Variants in XRRA1 observed in about 807,000 individuals in gnomAD.
XRRA1 encodes the protein X-ray radiation resistance associated 1.
In XRRA1, 69 loss-of-function variants were observed where a neutral mutation model predicts 80.2. The observed-to-expected ratio is 0.86, with a 90% CI of 0.71 to 1.05. XRRA1 has a LOEUF of 1.05. Ranked by LOEUF, XRRA1 falls within the 50% of genes least tolerant of loss-of-function variation. XRRA1 has a pLI of 0.00. For missense variants in XRRA1, 967 were observed against 976.4 expected (o/e 0.99, Z 0.13); for synonymous variants, 348 against 389.9 (o/e 0.89, Z 1.27).
chr11:74,862,982 T>A lies in XRRA1; in HGVS notation c.1043A>T (p.Glu348Val). 1 of 1,601,870 alleles carries A rather than the reference T, an allele frequency of 6.2e-7. No individual in the cohort carries two copies. The highest frequency in any genetic ancestry group is 8.5e-7 in the Non-Finnish European group (1 of 1,173,750). Residue 348 changes from glutamate (E) to valine (V), a missense_variant and splice_region_variant, in exon 11 of 19, where the codon GAG becomes GTG. Glu to Val is a moderately radical substitution (Grantham distance 121, BLOSUM62 -2). Coordinates refer to ENST00000684022, the MANE Select transcript of XRRA1 (RefSeq NM_001378157.1). ...FSSYPGFSTS[E>V]TTKICSLPPI... The stretch of plus-strand genomic sequence containing the variant: ...AAATATAAAGTAGTCAGTTCCTACC[T>A]CTGAGGTTGAAAATCCAGGGTAAGA...
chr11:74,846,918 GATT>G (rs1298912539), intron 15 of XRRA1, among the ~76,000 whole-genome samples: 1 of 150,316 alleles, frequency 6.7e-6, no homozygotes, highest in Non-Finnish European at 1.5e-5. Flanking sequence ...GAAAAAAAAA[GATT>G]TTTTTTTTTT....
Position 74,843,270 on chromosome 11 carries a change from T to C in XRRA1, c.2333A>G (p.Lys778Arg), listed in dbSNP as rs763721154. ...CATGAACTCGAGGAAGTGGCCGAAC[T>C]TGGGCTGGCTCTCACTCAGCGCTGG... is the stretch of plus-strand genomic sequence containing the variant. ...ACPALSESQP[K>R]FGHFLEFMDE... The change falls in exon 19 of 19, where the codon AAG (lysine) becomes AGG (arginine). Residue 778 changes from lysine to arginine, a missense_variant. Physicochemically the swap from Lys to Arg is conservative, Grantham distance 26. Transcript: ENST00000684022. 2.5e-6 allele frequency: 4 copies of C among 1,581,606 alleles called. No homozygotes were observed. The highest frequency in any genetic ancestry group is 3.4e-6 in the Non-Finnish European group (4 of 1,164,084).
chr11:74,874,912 A>G (rs1394020208), intron 10 of XRRA1, among the ~76,000 whole-genome samples: 1 of 152,208 alleles, frequency 6.6e-6, no homozygotes, highest in African/African-American at 2.4e-5. Context: ...TATGCAATGT[A>G]CACTCTGAAT....
In XRRA1 at chr11:74,949,047, C is replaced by T. The variant is rs2140190630; in HGVS notation, c.-192G>A. On this transcript the variant is annotated 5_prime_UTR_variant, in exon 1 of 19. Coordinates refer to ENST00000684022, the MANE Select transcript of XRRA1 (RefSeq NM_001378157.1). ...AGCCGCTCCACTGCGGTGCCTGCCG[C>T]TATCTTCCCCACGCCTTAGTAACTG... 1 of 406,978 alleles carries T rather than the reference C, an allele frequency of 2.5e-6. No individual in the cohort carries two copies. The highest frequency in any genetic ancestry group is 4.5e-6 in the Non-Finnish European group (1 of 223,780). The allele number at this position is 406,978 out of a possible 1,614,324, so 25.2% of individuals were successfully genotyped here.
chr11:74,869,427 A>G (rs1590783982), intron 10 of XRRA1, among the ~76,000 whole-genome samples: 1 of 152,180 alleles, frequency 6.6e-6, no homozygotes, highest in Non-Finnish European at 1.5e-5. Flanking sequence ...TCTAACAAAG[A>G]GCAGCCTGAA....
In XRRA1 at chr11:74,933,521, G is replaced by C. The variant is rs530932978; in HGVS notation, c.351+280C>G. 1.6e-5 allele frequency: 4 copies of C among 249,942 alleles called. No individual in the cohort carries two copies. In the South Asian group the frequency reaches 2.8e-4, roughly 18 times the overall value. The allele number at this position is 249,942 out of a possible 1,614,324, so 15.5% of individuals were successfully genotyped here. A position where few individuals can be genotyped will look rare whatever the true frequency, so the allele number is the denominator to read the frequency against. ...TCCACCCACCTCGGCCTCCCAAAGT[G>C]CTGGGATTACAGCCCTGAGCCACCA... On this transcript the variant is annotated intron_variant, in intron 5 of 18. Coordinates refer to ENST00000684022, the MANE Select transcript of XRRA1 (RefSeq NM_001378157.1).
At position 74,844,202 on chromosome 11, in the gene XRRA1, G is replaced by A. The variant is rs1385005821; in HGVS notation, c.2009C>T (p.Thr670Ile). Residue 670 changes from threonine (T) to isoleucine (I), a missense_variant, in exon 17 of 19, where the codon ACT (threonine) becomes ATT (isoleucine). Coordinates refer to ENST00000684022, the MANE Select transcript of XRRA1 (RefSeq NM_001378157.1). ...TTTGTGAACATAGGGTTTCTGAAGA[G>A]TGTCCAGCTTGGGCTTGGAGGAGTG... The part of the protein sequence containing the change: ...LCHSSKPKLD[T>I]LQKPYVHKEK... The A allele has an allele frequency of 6.2e-7, 1 of 1,613,828 alleles. No individual in the cohort carries two copies. Among genetic ancestry groups the A allele is most frequent in the East Asian group, 2.2e-5 (1 of 44,894 alleles).
At chr11:74,921,466 G>C (rs925210775) in intron 7 of XRRA1, 119 bp from the exon 8 acceptor site, 13 of 1,284,816 alleles carry the variant, frequency 1.0e-5, no homozygotes, top group African/African-American at 3.0e-5. Flanking sequence ...AACCCTCCTG[G>C]ATCTCCAGAT....
chr11:74,853,283 C>T (rs991871409), intron 12 of XRRA1, among the ~76,000 whole-genome samples: 7 of 152,104 alleles, frequency 4.6e-5, no homozygotes, highest in African/African-American at 7.2e-5. Flanking sequence ...AATTAGCGAA[C>T]GCAGTGAGGC....
At chr11:74,890,120 A>G (rs1041766749) in intron 10 of XRRA1, among the ~76,000 whole-genome samples, 2 of 152,196 alleles carry the variant, frequency 1.3e-5, no homozygotes, top group Admixed American at 6.5e-5. Flanking sequence ...ATCACACCAC[A>G]CTTATTTCAA....
intron 4 of XRRA1, among the ~76,000 whole-genome samples, chr11:74,936,455 C>T (rs1945006622): frequency 6.6e-6 from 1 of 152,248 alleles, no homozygotes; most frequent in Non-Finnish European, 1.5e-5. Flanking sequence ...ATGCAATTTT[C>T]AATTGACTGT....
intron 10 of XRRA1, among the ~76,000 whole-genome samples, chr11:74,882,915 G>T (rs2048027550): frequency 6.6e-6 from 1 of 152,228 alleles, no homozygotes; most frequent in African/African-American, 2.4e-5. Flanking sequence ...TCTCTTCAAA[G>T]CTGTCAGACA....
chr11:74,890,931 C>T (rs563381305), intron 10 of XRRA1, among the ~76,000 whole-genome samples: 3 of 151,940 alleles, frequency 2.0e-5, no homozygotes, highest in African/African-American at 4.8e-5. Flanking sequence ...AACCAAAAAA[C>T]GTCCAGGACC....
chr11:74,872,738 C>T (rs538457428), intron 10 of XRRA1, among the ~76,000 whole-genome samples: 1 of 152,214 alleles, frequency 6.6e-6, no homozygotes, highest in East Asian at 1.9e-4. Flanking sequence ...AGACCCCTGG[C>T]TCCAGCAGCT....
chr11:74,924,730 G>A (rs1340210473), intron 7 of XRRA1, among the ~76,000 whole-genome samples: 2 of 152,146 alleles, frequency 1.3e-5, no homozygotes, highest in East Asian at 3.9e-4. Context: ...CTACTTGGGA[G>A]GCTGAGGCAT....
At chr11:74,843,503 C>T (rs758062900) in intron 18 of XRRA1, 50 bp from the exon 19 acceptor site, 23 of 1,579,464 alleles carry the variant, frequency 1.5e-5, no homozygotes, top group Non-Finnish European at 1.8e-5. Context: ...TGGTTCTCAC[C>T]TAGCCAGAAG....
intron 13 of XRRA1, among the ~76,000 whole-genome samples, chr11:74,851,706 C>T (rs563165895): frequency 3.7e-4 from 57 of 152,332 alleles, no homozygotes; most frequent in African/African-American, 1.3e-3. Context: ...ATATTCCATT[C>T]CCAACTCAGA....
chr11:74,937,710 A>G (rs1227741567), intron 3 of XRRA1, among the ~76,000 whole-genome samples: 3 of 152,246 alleles, frequency 2.0e-5, no homozygotes, highest in African/African-American at 7.2e-5. Context: ...AACAAAAATC[A>G]TAACGTATTT....
At chr11:74,910,480 G>C (rs2055629170) in intron 8 of XRRA1, among the ~76,000 whole-genome samples, 1 of 152,080 alleles carries the variant, frequency 6.6e-6, no homozygotes, top group Non-Finnish European at 1.5e-5. Context: ...GGTCAAATAT[G>C]ATTCCCCTAA....
Sources: gnomAD v4.1 joint callset for allele counts (sites outside exome capture counted in the v4.1 genomes callset) on GRCh38, gnomAD v4.1.1 for gene constraint, MANE v1.5 for transcripts, NCBI Gene and HGNC (gene_info 2026-07-23, HGNC 2026-07-21) for gene names.